MATN2: variants seen among roughly 807,000 people sequenced by gnomAD.
The protein encoded by MATN2 is matrilin 2.
MATN2 carries 69 observed loss-of-function variants against 103.2 expected under a neutral mutation model. The ratio of observed to expected loss-of-function variants is 0.67; its 90% CI spans 0.55 to 0.82. The LOEUF (loss-of-function observed/expected upper bound fraction) is 0.82, where lower values mean the gene tolerates loss of function less well. MATN2 is among the 40% of genes least tolerant of loss of function. The pLI, the probability that MATN2 is intolerant of heterozygous loss-of-function variation, is 0.00. For synonymous variants in MATN2, 429 were observed against 450.2 expected, an observed-to-expected ratio of 0.95 and a Z score of 0.60; for missense variants, 1,023 against 1,211.5, an observed-to-expected ratio of 0.84 and a Z score of 2.31.
chr8:97,882,781 G>A (rs1397003142), intron 1 of MATN2, among the ~76,000 whole-genome samples: 1 of 151,862 alleles, frequency 6.6e-6, no homozygotes, highest in Admixed American at 6.6e-5. Context: ...ATATTCCTAG[G>A]TCACTATTAT....
intron 13 of MATN2, among the ~76,000 whole-genome samples, chr8:98,022,209 T>TA (rs1291921488): frequency 1.3e-5 from 2 of 152,186 alleles, no homozygotes; most frequent in Non-Finnish European, 2.9e-5. Context: ...CAAGATATTT[T>TA]AAGAGAAAAA....
chr8:97,933,962 C>T (rs1369717583), intron 3 of MATN2, among the ~76,000 whole-genome samples: 4 of 152,234 alleles, frequency 2.6e-5, no homozygotes, highest in Non-Finnish European at 5.9e-5. Context: ...TCTTGCCACT[C>T]TCTTTTTACA....
chr8:98,027,341 A>C, intron 13 of MATN2, 75 bp from the exon 14 acceptor site: 2 of 1,332,320 alleles, frequency 1.5e-6, no homozygotes, highest in Non-Finnish European at 2.1e-6. Flanking sequence ...CTCCAATTGA[A>C]GCATCATTTT....
Position 97,871,201 on chromosome 8 carries a change from T to A in MATN2, c.-27+1914T>A, listed in dbSNP as rs115608925. Among the ~76,000 whole-genome samples, 695 of 152,286 alleles carry A rather than the reference T, an allele frequency of 4.6e-3. 3 individuals are homozygous for A. Among genetic ancestry groups the A allele is most frequent in the African/African-American group, 0.016 (660 of 41,554 alleles). On this transcript the variant is annotated intron_variant, in intron 1 of 18. Transcript: ENST00000254898. ...CCTGAGATTTAAAGAAAAGGAGAGA[T>A]GTTTGCTCTTTGAAATAAGAGAGCC...
At chr8:98,001,051 G>A (rs1365109210) in intron 7 of MATN2, among the ~76,000 whole-genome samples, 2 of 152,232 alleles carry the variant, frequency 1.3e-5, no homozygotes, top group Non-Finnish European at 2.9e-5. Context: ...ATTTGTGGAT[G>A]TGAGCTTCGT....
At chr8:97,928,451 C>T (rs886967793) in intron 2 of MATN2, among the ~76,000 whole-genome samples, 1 of 152,172 alleles carries the variant, frequency 6.6e-6, no homozygotes, top group Non-Finnish European at 1.5e-5. Flanking sequence ...TGGTCTCAAT[C>T]TCCTGACCTT....
intron 2 of MATN2, among the ~76,000 whole-genome samples, chr8:97,900,763 G>A (rs757535457): frequency 6.6e-6 from 1 of 152,084 alleles, no homozygotes; most frequent in Non-Finnish European, 1.5e-5. Flanking sequence ...GTGAAACTCC[G>A]TCTCTGCTAA....
At chr8:97,933,149 C>T (rs529489232) in intron 3 of MATN2, among the ~76,000 whole-genome samples, 1 of 152,262 alleles carries the variant, frequency 6.6e-6, no homozygotes, top group East Asian at 1.9e-4. Flanking sequence ...AAATCAATGC[C>T]ATGAAGAAAA....
chr8:97,930,561 T>C (rs4735512), intron 2 of MATN2: 69,730 of 164,186 alleles, frequency 0.42, 16,091 homozygotes, highest in East Asian at 0.83. Flanking sequence ...TGATCATCAG[T>C]CCCAGGATTT....
At chr8:97,918,503 G>A (rs754227588) in intron 2 of MATN2, among the ~76,000 whole-genome samples, 1 of 152,218 alleles carries the variant, frequency 6.6e-6, no homozygotes, top group Non-Finnish European at 1.5e-5. Context: ...TGCACATTAA[G>A]TTACTCATTG....
At chr8:97,968,258 A>G (rs1483879852) in intron 5 of MATN2, among the ~76,000 whole-genome samples, 1 of 152,176 alleles carries the variant, frequency 6.6e-6, no homozygotes, top group African/African-American at 2.4e-5. Flanking sequence ...TGCTGCCTAG[A>G]AGATCTCTGA....
chr8:97,970,780 C>A (rs929630867), intron 5 of MATN2, among the ~76,000 whole-genome samples: 2 of 151,780 alleles, frequency 1.3e-5, no homozygotes, highest in Non-Finnish European at 2.9e-5. Flanking sequence ...AGACTCCTGT[C>A]TCTACAAAGA....
chr8:98,020,856 T>G, intron 12 of MATN2: 1 of 189,934 alleles, frequency 5.3e-6, no homozygotes, highest in Non-Finnish European at 1.1e-5. Flanking sequence ...CTTCGAAGAG[T>G]TTAAATTACC....
intron 2 of MATN2, among the ~76,000 whole-genome samples, chr8:97,907,508 G>C (rs148427634): frequency 6.8e-6 from 1 of 147,810 alleles, no homozygotes; most frequent in Non-Finnish European, 1.5e-5. Context: ...ATTTTTAGTA[G>C]AGATGGGGTT....
intron 8 of MATN2, 116 bp from the exon 9 acceptor site, chr8:98,006,989 T>C: frequency 1.8e-6 from 2 of 1,087,084 alleles, no homozygotes; most frequent in Non-Finnish European, 2.7e-6. Flanking sequence ...TGATGTGGGG[T>C]AGAATGACAC....
intron 2 of MATN2, among the ~76,000 whole-genome samples, chr8:97,921,761 G>C (rs1037396535): frequency 1.3e-5 from 2 of 152,136 alleles, no homozygotes; most frequent in African/African-American, 4.8e-5. Context: ...CTGCTGTGTC[G>C]CACGGTCGTC....
intron 1 of MATN2, among the ~76,000 whole-genome samples, chr8:97,880,990 TA>T (rs1417985976): frequency 6.6e-6 from 1 of 152,200 alleles, no homozygotes; most frequent in East Asian, 1.9e-4. Flanking sequence ...TCTTTCCACC[TA>T]TAAATCTTAG....
At position 97,982,893 on chromosome 8, in the gene MATN2, C is replaced by T. The variant is rs1395383280; in HGVS notation, c.1081+3885C>T. Among the ~76,000 whole-genome samples the T allele has an allele frequency of 1.3e-5, 2 of 152,116 alleles. No homozygotes were observed. The highest frequency in any genetic ancestry group is 2.1e-4 in the South Asian group (1 of 4,834). On this transcript the variant is annotated intron_variant, in intron 6 of 18. Transcript: ENST00000254898. This position sits in a 1 kb window ranked among gnomAD's most constrained non-coding sequence, Gnocchi z 4.3. ...TTAAATACACTCACATTGTGAAAAACGCATATCCTAGCCTGTCTCCTTCCT... is the reference window on the plus strand; with the variant it reads ...TTAAATACACTCACATTGTGAAAAATGCATATCCTAGCCTGTCTCCTTCCT...
At chr8:98,025,352 G>T in intron 13 of MATN2, 1 of 166,086 alleles carries the variant, frequency 6.0e-6, no homozygotes. Flanking sequence ...TTTTGCATGT[G>T]TGTGTCTCTA....
Sources: gnomAD v4.1 joint callset for allele counts (sites outside exome capture counted in the v4.1 genomes callset) on GRCh38, gnomAD v4.1.1 for gene constraint, Gnocchi (gnomAD v3.1) non-coding constraint, MANE v1.5 for transcripts, NCBI Gene and HGNC (gene_info 2026-07-23, HGNC 2026-07-21) for gene names.